APOH: variants seen among roughly 807,000 people sequenced by gnomAD.
The protein encoded by APOH is beta-2-glycoprotein 1.
Under a neutral mutation model 39.8 loss-of-function variants are expected in APOH, and 48 were observed. That is an observed-to-expected ratio of 1.21 (90% CI 0.96 to 1.54). The LOEUF (loss-of-function observed/expected upper bound fraction) is 1.54. Among genes scored for constraint, APOH ranks in the 40% most tolerant of loss-of-function variants. APOH has a pLI of 0.00. For missense variants in APOH, 415 were observed against 421.2 expected (o/e 0.99, Z 0.13); for synonymous variants, 153 against 151.1 (o/e 1.01, Z -0.09).
chr17:66,219,833 C>T (rs2073386728), intron 5 of APOH, among the ~76,000 whole-genome samples: 2 of 152,090 alleles, frequency 1.3e-5, no homozygotes, highest in South Asian at 2.1e-4. Flanking sequence ...GCATGAGAAT[C>T]GCTTGAACCC....
At position 66,214,503 on chromosome 17, in the gene APOH, T is replaced by C. The variant is rs1348521805; in HGVS notation, c.932A>G (p.Glu311Gly). 2.5e-6 allele frequency: 4 copies of C among 1,614,062 alleles called. No homozygotes were observed. In the African/African-American group the frequency reaches 4.0e-5, roughly 16 times the overall value. ...AGTGCCATCTATACACTGAGCATCCTCTGTATAGCTACACTTCTTTTCCTT... is the reference window on the plus strand; with the variant it reads ...AGTGCCATCTATACACTGAGCATCCCCTGTATAGCTACACTTCTTTTCCTT... ...KNKEKKCSYT[E>G]DAQCIDGTIE... Residue 311 changes from glutamate (E) to glycine (G), a missense_variant, in exon 7 of 8, where the codon GAG becomes GGG. Glu to Gly is a moderately conservative substitution (Grantham distance 98). Coordinates refer to ENST00000205948, the MANE Select transcript of APOH (RefSeq NM_000042.3).
chr17:66,217,425 G>C (rs1472806404), intron 5 of APOH, among the ~76,000 whole-genome samples: 2 of 148,034 alleles, frequency 1.4e-5, no homozygotes, highest in African/African-American at 2.5e-5. Flanking sequence ...TCAGACTATG[G>C]AAGAAGCCAG....
chr17:66,228,497 A>G (rs2073453331), intron 1 of APOH: 1 of 261,782 alleles, frequency 3.8e-6, no homozygotes, highest in Non-Finnish European at 7.4e-6. Context: ...TCCAGCATCC[A>G]CTCTAAAGAG....
intron 7 of APOH, among the ~76,000 whole-genome samples, chr17:66,212,983 T>C (rs2073344685): frequency 6.6e-6 from 1 of 152,244 alleles, no homozygotes; most frequent in Non-Finnish European, 1.5e-5. Flanking sequence ...TTCAGTGCAT[T>C]TGTAACTATT....
chr17:66,224,681 GGGAAGGGAAGGGAAAGGAAAGGAAA>G (rs2073426614), intron 3 of APOH, among the ~76,000 whole-genome samples: 1 of 30,446 alleles, frequency 3.3e-5, no homozygotes, highest in African/African-American at 1.6e-4. Context: ...GGGAAGGGAA[GGGAAGGGAAGGGAAAGGAAAGGAAA>G]GGAAAGGAAA....
chr17:66,228,891 G>A (rs932410553), intron 1 of APOH, among the ~76,000 whole-genome samples: 4 of 151,752 alleles, frequency 2.6e-5, no homozygotes, highest in Admixed American at 6.6e-5. Flanking sequence ...GGAGTGCAAT[G>A]GGGGGACCTC....
chr17:66,221,151 C>T (rs2073396572), intron 4 of APOH, among the ~76,000 whole-genome samples: 1 of 150,886 alleles, frequency 6.6e-6, no homozygotes, highest in Non-Finnish European at 1.5e-5. Flanking sequence ...CAAAATCGCA[C>T]CACTGCACTC....
chr17:66,222,269 GT>G (rs1319481003), intron 4 of APOH, among the ~76,000 whole-genome samples: 6 of 152,032 alleles, frequency 3.9e-5, no homozygotes, highest in Non-Finnish European at 1.5e-5. Flanking sequence ...CTCATCTATA[GT>G]CTCAGCTGCT....
Position 66,212,052 on chromosome 17 carries a change from G to C in APOH, c.*81C>G. 1 of 1,221,176 alleles carries C rather than the reference G, an allele frequency of 8.2e-7. No individual in the cohort carries two copies. The highest frequency in any genetic ancestry group is 2.4e-5 in the East Asian group (1 of 41,886). The allele number at this position is 1,221,176 out of a possible 1,614,324, so 75.6% of individuals were successfully genotyped here. A position where few individuals can be genotyped will look rare whatever the true frequency, so the allele number is the denominator to read the frequency against. On this transcript the variant is annotated 3_prime_UTR_variant, in exon 8 of 8. Transcript: ENST00000205948. Reference sequence around the variant, plus strand: ...AATGGGTGCGGCAATAAATTCAGTAGCTTTATTTTTAAATTTCAATTAGGT... The same window carrying C: ...AATGGGTGCGGCAATAAATTCAGTACCTTTATTTTTAAATTTCAATTAGGT...
intron 5 of APOH, 107 bp downstream of exon 5, chr17:66,220,447 G>A (rs1351648870): frequency 1.9e-6 from 2 of 1,070,690 alleles, no homozygotes; most frequent in East Asian, 2.4e-5. Context: ...ATAAACAGCT[G>A]TTGAATGAGT....
chr17:66,213,267 A>G (rs181438125), intron 7 of APOH, among the ~76,000 whole-genome samples: 6 of 152,326 alleles, frequency 3.9e-5, no homozygotes, highest in East Asian at 1.9e-4. Flanking sequence ...AGACATTTCA[A>G]CCCTAAATCT....
At position 66,228,168 on chromosome 17, in the gene APOH, A is replaced by G. The variant is rs779669918; in HGVS notation, c.93T>C (p.Phe31=). Residue 31 remains phenylalanine, a synonymous_variant, in exon 2 of 8, where the codon TTT becomes TTC. Transcript: ENST00000205948. ...ATGTTTTTAACGGGACCACTGTGGA[A>G]AATGGTAAATCATCTGGCTTGGGAC... ...RTCPKPDDLP[F]STVVPLKTFY... is the part of the protein sequence containing the mutation. 6.2e-7 allele frequency: 1 copy of G among 1,614,160 alleles called. No individual in the cohort carries two copies. The highest frequency in any genetic ancestry group is 2.2e-5 in the East Asian group (1 of 44,880).
chr17:66,224,324 C>T (rs369863880), intron 3 of APOH, among the ~76,000 whole-genome samples: 235 of 151,472 alleles, frequency 1.6e-3, no homozygotes, highest in African/African-American at 5.0e-3. Context: ...GTCACCAGGC[C>T]GTGGTAGTGT....
At chr17:66,212,297 G>T in intron 7 of APOH, 109 bp from the exon 8 acceptor site, 1 of 845,178 alleles carries the variant, frequency 1.2e-6, no homozygotes, top group Non-Finnish European at 1.9e-6. Flanking sequence ...GAATACATGT[G>T]ATTATGTGAA....
intron 5 of APOH, 27 bp downstream of exon 5, chr17:66,220,527 C>T (rs779505216): frequency 3.9e-5 from 63 of 1,603,100 alleles, no homozygotes; most frequent in Middle Eastern, 3.3e-4. Flanking sequence ...CCCTACCATG[C>T]GTATTTTGTC....
In APOH at chr17:66,229,390, T is replaced by A. The variant is rs1330193164; in HGVS notation, c.-11A>T. ...CACTGGAGAAATCATTGTGGATGAG[T>A]CACACTGGCACTACCAAAGTGGTTT... On this transcript the variant is annotated 5_prime_UTR_variant, in exon 1 of 8. Coordinates refer to ENST00000205948, the MANE Select transcript of APOH (RefSeq NM_000042.3). The A allele has an allele frequency of 6.2e-7, 1 of 1,612,682 alleles. No individual in the cohort carries two copies. Among genetic ancestry groups the A allele is most frequent in the Non-Finnish European group, 8.5e-7 (1 of 1,179,158 alleles).
chr17:66,219,827 G>A (rs1422030144), intron 5 of APOH, among the ~76,000 whole-genome samples: 1 of 152,088 alleles, frequency 6.6e-6, no homozygotes, highest in African/African-American at 2.4e-5. Context: ...GCCAAGGCAT[G>A]AGAATCGCTT....
intron 4 of APOH, among the ~76,000 whole-genome samples, chr17:66,223,102 GC>G (rs1454232080): frequency 6.6e-6 from 1 of 152,156 alleles, no homozygotes; most frequent in Non-Finnish European, 1.5e-5. Context: ...TAGGATGCAA[GC>G]CCCTTTGATG....
At chr17:66,220,408 C>T in intron 5 of APOH, 146 bp downstream of exon 5, 1 of 730,818 alleles carries the variant, frequency 1.4e-6, no homozygotes, top group Non-Finnish European at 2.2e-6. Flanking sequence ...CAGTGCCCAG[C>T]ACACTGCCTG....
Sources: allele counts gnomAD v4.1 joint callset (sites outside exome capture counted in the v4.1 genomes callset), GRCh38; gene constraint gnomAD v4.1.1; transcripts MANE v1.5; gene names NCBI Gene and HGNC (gene_info 2026-07-23, HGNC 2026-07-21).